CYP2C19: variants seen among roughly 807,000 people sequenced by gnomAD.
CYP2C19 encodes the protein cytochrome P450 2C19.
Under a neutral mutation model 40.9 loss-of-function variants are expected in CYP2C19, and 59 were observed. That is an observed-to-expected ratio of 1.44 (90% CI 1.17 to 1.79). The LOEUF is 1.79. Ranked by LOEUF, CYP2C19 falls within the 40% of genes most tolerant of loss-of-function variation. The pLI, the probability that CYP2C19 is intolerant of heterozygous loss-of-function variation, is 0.00. For synonymous variants in CYP2C19, 253 were observed against 208.7 expected (o/e 1.21, Z -1.83); for missense variants, 754 against 596.9 (o/e 1.26, Z -2.74).
At chr10:94,832,565 T>A (rs924561159) in intron 6 of CYP2C19, among the ~76,000 whole-genome samples, 3 of 152,206 alleles carry the variant, frequency 2.0e-5, no homozygotes, top group Admixed American at 2.0e-4. Flanking sequence ...AAGAATGAGT[T>A]CACTCTAGGT....
chr10:94,815,664 T>G (rs539855483), intron 5 of CYP2C19, among the ~76,000 whole-genome samples: 1 of 152,370 alleles, frequency 6.6e-6, no homozygotes, highest in South Asian at 2.1e-4. Flanking sequence ...TCACTTTGTA[T>G]ATTTTTATTT....
At chr10:94,782,754 T>C (rs1433923234) in intron 5 of CYP2C19, among the ~76,000 whole-genome samples, 3 of 152,154 alleles carry the variant, frequency 2.0e-5, no homozygotes, top group Non-Finnish European at 4.4e-5. Flanking sequence ...ATGTGGCACA[T>C]ATACACCATA....
At chr10:94,846,914 G>A (rs1243191602) in intron 7 of CYP2C19, among the ~76,000 whole-genome samples, 2 of 151,898 alleles carry the variant, frequency 1.3e-5, no homozygotes, top group Non-Finnish European at 1.5e-5. Flanking sequence ...ACATGGCAAT[G>A]ACAAACATTC....
chr10:94,797,233 G>C (rs1848702360), intron 5 of CYP2C19, among the ~76,000 whole-genome samples: 2 of 151,960 alleles, frequency 1.3e-5, no homozygotes, highest in South Asian at 4.1e-4. Context: ...GGCCTTTTCT[G>C]TATCTATTGA....
At chr10:94,769,023 G>A (rs979913687) in intron 1 of CYP2C19, among the ~76,000 whole-genome samples, 5 of 151,866 alleles carry the variant, frequency 3.3e-5, no homozygotes, top group Non-Finnish European at 7.4e-5. Flanking sequence ...TCCAAGGAAT[G>A]CCCACAATTG....
chr10:94,810,387 A>C lies in CYP2C19; in HGVS notation c.820-10109A>C, dbSNP rs746554424. ...TCTGCCAAGTTTTGGTATCAGGATG[A>C]TTCTTCCCTTATAAAATGAGTTAGG... On this transcript the variant is annotated intron_variant, in intron 5 of 8. Coordinates refer to ENST00000371321, the MANE Select transcript of CYP2C19 (RefSeq NM_000769.4). Among the ~76,000 whole-genome samples, 3 of 152,224 alleles carry C rather than the reference A, an allele frequency of 2.0e-5. No individual in the cohort carries two copies. The East Asian group carries it at 5.8e-4, about 29-fold the overall frequency.
In CYP2C19 at chr10:94,777,652, C is replaced by T. The variant is rs559872448; in HGVS notation, c.481+2113C>T. Among the ~76,000 whole-genome samples the T allele has an allele frequency of 1.4e-4, 22 of 152,186 alleles. No homozygotes were observed. The South Asian group carries it at 4.2e-3, about 29-fold the overall frequency. The stretch of plus-strand genomic sequence containing the variant: ...CTTTCATCTTATAAAAAAATTAACT[C>T]AAGATGGATTGAAGACTTAAACATA... On this transcript the variant is annotated intron_variant, in intron 3 of 8. Transcript: ENST00000371321.
chr10:94,809,471 T>C (rs1848882751), intron 5 of CYP2C19, among the ~76,000 whole-genome samples: 1 of 152,192 alleles, frequency 6.6e-6, no homozygotes, highest in South Asian at 2.1e-4. Flanking sequence ...TTACTTTGGT[T>C]GGAGTTTTCT....
intron 1 of CYP2C19, among the ~76,000 whole-genome samples, chr10:94,764,964 T>A (rs562681485): frequency 4.6e-5 from 7 of 152,184 alleles, no homozygotes; most frequent in African/African-American, 1.7e-4. Flanking sequence ...TATTCCTGAT[T>A]GGTTAGTGTA....
chr10:94,851,516 G>T (rs186780544), intron 8 of CYP2C19, among the ~76,000 whole-genome samples: 7 of 151,798 alleles, frequency 4.6e-5, no homozygotes, highest in Admixed American at 4.6e-4. Flanking sequence ...TATGATTCTA[G>T]GTGACACATG....
At chr10:94,806,960 T>C (rs1375011797) in intron 5 of CYP2C19, among the ~76,000 whole-genome samples, 3 of 152,182 alleles carry the variant, frequency 2.0e-5, no homozygotes, top group Non-Finnish European at 4.4e-5. Flanking sequence ...TTAATTATAG[T>C]CACCCTACAC....
chr10:94,843,095 C>T (rs763906692), intron 7 of CYP2C19, 71 bp downstream of exon 7: 46 of 1,571,864 alleles, frequency 2.9e-5, no homozygotes, highest in Non-Finnish European at 4.0e-5. Flanking sequence ...GATTCTTACC[C>T]TCTACCATCA....
intron 6 of CYP2C19, among the ~76,000 whole-genome samples, chr10:94,842,444 A>T (rs1027569368): frequency 2.8e-5 from 3 of 108,402 alleles, no homozygotes; most frequent in Admixed American, 1.1e-4. Flanking sequence ...TTGTTTCTTC[A>T]TCTAGTCAGT....
intron 1 of CYP2C19, among the ~76,000 whole-genome samples, chr10:94,769,669 A>G (rs1472964673): frequency 6.6e-6 from 1 of 152,066 alleles, no homozygotes; most frequent in Non-Finnish European, 1.5e-5. Flanking sequence ...TGAGTTTTTA[A>G]ACGTTTAACA....
intron 7 of CYP2C19, among the ~76,000 whole-genome samples, chr10:94,848,103 T>A (rs781199643): frequency 1.2e-4 from 19 of 152,246 alleles, no homozygotes; most frequent in Non-Finnish European, 2.2e-4. Flanking sequence ...TTGTCAATTT[T>A]GGCTTTTGTT....
intron 6 of CYP2C19, among the ~76,000 whole-genome samples, chr10:94,823,595 G>A (rs1364189383): frequency 1.3e-5 from 2 of 152,130 alleles, no homozygotes; most frequent in Non-Finnish European, 2.9e-5. Flanking sequence ...TAGACACAGG[G>A]TCATGGAATT....
chr10:94,850,478 C>T (rs1486253581), intron 8 of CYP2C19, among the ~76,000 whole-genome samples: 1 of 152,146 alleles, frequency 6.6e-6, no homozygotes, highest in Non-Finnish European at 1.5e-5. Context: ...TATCCTCAAA[C>T]ACAGAATAGG....
At chr10:94,774,710 A>C (rs977376161) in intron 1 of CYP2C19, 2 of 228,238 alleles carry the variant, frequency 8.8e-6, no homozygotes, top group African/African-American at 4.6e-5. Flanking sequence ...TGAAGTTTCA[A>C]ATTTGGGTCT....
At chr10:94,843,117 A>G in intron 7 of CYP2C19, 93 bp downstream of exon 7, 2 of 1,468,002 alleles carry the variant, frequency 1.4e-6, no homozygotes, top group East Asian at 4.5e-5. Flanking sequence ...TGGGTGAGAG[A>G]AGTGCATTAC....
Sources: allele counts gnomAD v4.1 joint callset (sites outside exome capture counted in the v4.1 genomes callset), GRCh38; gene constraint gnomAD v4.1.1; transcripts MANE v1.5; gene names NCBI Gene and HGNC (gene_info 2026-07-23, HGNC 2026-07-21).